The following CREB5 variants were observed in gnomAD, a reference collection of about 807,000 sequenced individuals.
CREB5 encodes the protein cAMP responsive element binding protein 5.
A neutral mutation model predicts 57.1 loss-of-function variants in CREB5; 19 were observed. The ratio of observed to expected loss-of-function variants is 0.33; its 90% CI spans 0.23 to 0.49. The LOEUF is 0.49. CREB5 is among the 20% of genes least tolerant of loss of function. The pLI, the probability that CREB5 is intolerant of heterozygous loss-of-function variation, is 0.99. For synonymous variants in CREB5, 238 were observed against 238.3 expected, an observed-to-expected ratio of 1.00 and a Z score of 0.01; for missense variants, 579 against 671.6, an observed-to-expected ratio of 0.86 and a Z score of 1.52.
chr7:28,761,628 C>A (rs955965743), intron 7 of CREB5, among the ~76,000 whole-genome samples: 16 of 152,094 alleles, frequency 1.1e-4, no homozygotes, highest in African/African-American at 3.6e-4. Flanking sequence ...CTGTATGGGG[C>A]TTTTTTGGCT....
intron 1 of CREB5, among the ~76,000 whole-genome samples, chr7:28,309,202 T>G (rs1287238612): frequency 6.6e-6 from 1 of 152,208 alleles, no homozygotes; most frequent in African/African-American, 2.4e-5. Flanking sequence ...GAGACATTTA[T>G]TTATTTTTTA....
At chr7:28,774,155 A>G (rs1309688764) in intron 7 of CREB5, among the ~76,000 whole-genome samples, 1 of 152,162 alleles carries the variant, frequency 6.6e-6, no homozygotes, top group Non-Finnish European at 1.5e-5. Context: ...TCTATTTCAT[A>G]GTTGCTGTTT....
At chr7:28,728,931 G>C (rs1201546034) in intron 7 of CREB5, among the ~76,000 whole-genome samples, 1 of 152,030 alleles carries the variant, frequency 6.6e-6, no homozygotes, top group Non-Finnish European at 1.5e-5. Context: ...GAGAAAAGCA[G>C]TATGTCTGTT....
intron 1 of CREB5, among the ~76,000 whole-genome samples, chr7:28,325,884 C>G (rs1229417528): frequency 1.3e-5 from 2 of 152,212 alleles, no homozygotes; most frequent in African/African-American, 2.4e-5. Context: ...TTGTTCCAAA[C>G]TTGGGTATTA....
chr7:28,332,763 T>C (rs141102090), intron 1 of CREB5, among the ~76,000 whole-genome samples: 4 of 152,362 alleles, frequency 2.6e-5, no homozygotes, highest in African/African-American at 9.6e-5. Flanking sequence ...AACTAACTTA[T>C]CATGGGCATC....
chr7:28,448,914 G>A (rs971339661), intron 1 of CREB5, among the ~76,000 whole-genome samples: 1 of 152,216 alleles, frequency 6.6e-6, no homozygotes, highest in African/African-American at 2.4e-5. Flanking sequence ...TGGGATGCAG[G>A]CCGTTGTGAC....
intron 1 of CREB5, among the ~76,000 whole-genome samples, chr7:28,336,585 T>A (rs540917200): frequency 1.3e-5 from 2 of 152,178 alleles, no homozygotes; most frequent in South Asian, 4.1e-4. Flanking sequence ...GTCTTCTTTC[T>A]TTTTTCTTAG....
intron 4 of CREB5, among the ~76,000 whole-genome samples, chr7:28,570,068 G>A (rs1269350774): frequency 1.3e-5 from 2 of 152,198 alleles, no homozygotes; most frequent in Non-Finnish European, 2.9e-5. Context: ...CATCCTTCAA[G>A]TCAGAGAAGG....
At chr7:28,558,603 G>T (rs1337184779) in intron 4 of CREB5, among the ~76,000 whole-genome samples, 2 of 152,198 alleles carry the variant, frequency 1.3e-5, no homozygotes, top group Non-Finnish European at 2.9e-5. Context: ...CTCCAGGCAA[G>T]GGAGTTTTCA....
At chr7:28,758,983 G>A (rs1805497141) in intron 7 of CREB5, among the ~76,000 whole-genome samples, 1 of 151,198 alleles carries the variant, frequency 6.6e-6, no homozygotes, top group African/African-American at 2.4e-5. Flanking sequence ...AGAGCAAATG[G>A]TTCAGTCCTG....
intron 1 of CREB5, among the ~76,000 whole-genome samples, chr7:28,355,614 A>C (rs1786323618): frequency 6.6e-6 from 1 of 152,142 alleles, no homozygotes; most frequent in African/African-American, 2.4e-5. Context: ...ATATATACCC[A>C]TAAAAATGCT....
At chr7:28,627,667 G>C (rs1798052557) in intron 5 of CREB5, among the ~76,000 whole-genome samples, 1 of 152,182 alleles carries the variant, frequency 6.6e-6, no homozygotes, top group Non-Finnish European at 1.5e-5. Context: ...GTCATTCACA[G>C]ATTGGTGGGA....
rs564730173 is a variant in CREB5, at chr7:28,679,466, A to G, written c.465-39287A>G. On this transcript the variant is annotated intron_variant, in intron 5 of 10. Transcript: ENST00000357727. ...AGTTTGGCTCAGAGTGTGGGCCCTG[A>G]TGAGATTTCAGGGTGTAAAAGGGAG... Among the ~76,000 whole-genome samples the G allele has an allele frequency of 7.2e-5, 11 of 152,242 alleles. No homozygotes were observed. In the East Asian group the frequency reaches 1.7e-3, roughly 24 times the overall value.
At chr7:28,813,944 T>A (rs1809274003) in intron 9 of CREB5, among the ~76,000 whole-genome samples, 1 of 152,210 alleles carries the variant, frequency 6.6e-6, no homozygotes, top group Non-Finnish European at 1.5e-5. Context: ...TACCTTGTAT[T>A]TACAAAATAC....
Position 28,824,608 on chromosome 7 carries a change from A to C in CREB5, c.*5329A>C, listed in dbSNP as rs910769930. On this transcript the variant is annotated 3_prime_UTR_variant, in exon 11 of 11. Transcript: ENST00000357727. The stretch of plus-strand genomic sequence containing the variant: ...CCAAAACAAACACAAAGAAATTTAA[A>C]AAACAAAAAACCTAGCTCATCATGT... The C allele has an allele frequency of 1.3e-5, 2 of 152,782 alleles. No individual in the cohort carries two copies. Among genetic ancestry groups the C allele is most frequent in the Non-Finnish European group, 2.9e-5 (2 of 68,028 alleles). The allele number at this position is 152,782 out of a possible 1,614,324, so 9.5% of individuals were successfully genotyped here.
chr7:28,327,140 C>T (rs1243895949), intron 1 of CREB5, among the ~76,000 whole-genome samples: 1 of 130,496 alleles, frequency 7.7e-6, no homozygotes, highest in Non-Finnish European at 1.6e-5. Flanking sequence ...CAGGGTGAGA[C>T]TCCATCTCAA....
At position 28,823,736 on chromosome 7, in the gene CREB5, C is replaced by G. The variant is rs1809914902; in HGVS notation, c.*4457C>G. ...CATCTCTGCCTCTCTCCACCCCACC[C>G]CAATTTCCTAGAAAGCCTTGCACTA... is the stretch of plus-strand genomic sequence containing the variant. On this transcript the variant is annotated 3_prime_UTR_variant, in exon 11 of 11. Coordinates refer to ENST00000357727, the MANE Select transcript of CREB5 (RefSeq NM_182898.4). 1.3e-5 allele frequency: 2 copies of G among 152,424 alleles called. No homozygotes were observed. Among genetic ancestry groups the G allele is most frequent in the South Asian group, 4.1e-4 (2 of 4,834 alleles). 9.4% of individuals were successfully genotyped at this position (152,424 alleles called of 1,614,324 possible). A position where few individuals can be genotyped will look rare whatever the true frequency, so the allele number is the denominator to read the frequency against.
At chr7:28,760,735 A>G (rs539366293) in intron 7 of CREB5, among the ~76,000 whole-genome samples, 34 of 152,338 alleles carry the variant, frequency 2.2e-4, no homozygotes, top group Non-Finnish European at 4.1e-4. Flanking sequence ...AATAAAAAAG[A>G]AGAAGAAAAA....
chr7:28,712,604 G>C (rs982375970), intron 5 of CREB5, among the ~76,000 whole-genome samples: 2 of 145,256 alleles, frequency 1.4e-5, no homozygotes, highest in Non-Finnish European at 3.0e-5. Context: ...AGTGATCTCG[G>C]CTCACTGCAG....
Sources: gnomAD v4.1 joint callset for allele counts (sites outside exome capture counted in the v4.1 genomes callset) on GRCh38, gnomAD v4.1.1 for gene constraint, MANE v1.5 for transcripts, NCBI Gene and HGNC (gene_info 2026-07-23, HGNC 2026-07-21) for gene names.